UBTD2: variants seen among roughly 807,000 people sequenced by gnomAD.
UBTD2 encodes the protein ubiquitin domain-containing protein 2.
A neutral mutation model predicts 19.8 loss-of-function variants in UBTD2; 9 were observed. That is an observed-to-expected ratio of 0.46 (90% confidence interval 0.27 to 0.79). The LOEUF (loss-of-function observed/expected upper bound fraction) is 0.79, where lower values mean the gene tolerates loss of function less well. Among genes scored for constraint, UBTD2 ranks in the 30% least tolerant of loss-of-function variants. UBTD2 has a pLI of 0.14. For synonymous variants in UBTD2, 98 were observed against 103.9 expected (o/e 0.94, Z 0.35); for missense variants, 250 against 300.4 (o/e 0.83, Z 1.24).
intron 1 of UBTD2, among the ~76,000 whole-genome samples, chr5:172,252,056 A>G (rs1345517677): frequency 1.3e-5 from 2 of 152,234 alleles, no homozygotes; most frequent in African/African-American, 2.4e-5. Context: ...ACTGAATTAG[A>G]AGAAGTAACT....
chr5:172,264,426 A>G (rs1755331520), intron 1 of UBTD2, among the ~76,000 whole-genome samples: 2 of 151,940 alleles, frequency 1.3e-5, no homozygotes. Flanking sequence ...CTATAATCCC[A>G]GCTACCTGGG....
intron 1 of UBTD2, among the ~76,000 whole-genome samples, chr5:172,256,948 G>A (rs954646692): frequency 3.9e-5 from 6 of 152,262 alleles, no homozygotes; most frequent in Admixed American, 3.9e-4. Context: ...TTCTAAAAAT[G>A]ATTATAACTT....
chr5:172,251,081 G>A (rs948144590), intron 1 of UBTD2, among the ~76,000 whole-genome samples: 5 of 151,726 alleles, frequency 3.3e-5, no homozygotes, highest in African/African-American at 7.3e-5. Context: ...TCGGGAGGCC[G>A]AGGCGGGCGG....
At chr5:172,273,590 CAAAA>C (rs35687001) in intron 1 of UBTD2, among the ~76,000 whole-genome samples, 3 of 36,398 alleles carry the variant, frequency 8.2e-5, no homozygotes, top group African/African-American at 3.5e-4. Flanking sequence ...GACTCCGTCT[CAAAA>C]AAAAAAAAAA....
intron 1 of UBTD2, among the ~76,000 whole-genome samples, chr5:172,236,072 G>T (rs945015734): frequency 6.6e-6 from 1 of 152,168 alleles, no homozygotes; most frequent in Non-Finnish European, 1.5e-5. Context: ...AAAATAAAAT[G>T]ACTCCAGACC....
chr5:172,282,174 A>G lies in UBTD2; in HGVS notation c.70+1422T>C, dbSNP rs150979253. Among the ~76,000 whole-genome samples, 1,024 of 152,352 alleles carry G rather than the reference A, an allele frequency of 6.7e-3. 12 individuals are homozygous for G. Among genetic ancestry groups the G allele is most frequent in the African/African-American group, 0.022 (919 of 41,578 alleles). On this transcript the variant is annotated intron_variant, in intron 1 of 2. Transcript: ENST00000393792. ...TATTTCAGAATCATTAATGATCAAC[A>G]CAATTAGAGGAAGATTCATTTTGAT...
Position 172,222,879 on chromosome 5 carries a change from G to A in UBTD2, c.308-10652C>T, listed in dbSNP as rs114470022. Among the ~76,000 whole-genome samples, 488 of 152,264 alleles carry A rather than the reference G, an allele frequency of 3.2e-3. 2 individuals carry two copies. The highest frequency in any genetic ancestry group is 0.011 in the African/African-American group (465 of 41,556). On this transcript the variant is annotated intron_variant, in intron 2 of 2. Coordinates refer to ENST00000393792, the MANE Select transcript of UBTD2 (RefSeq NM_152277.3). ...GGTGGCTAAAACAGGTAAATTAAAC[G>A]TTCAACATTCACTGCCTTTTTTATG... is the stretch of plus-strand genomic sequence containing the variant.
chr5:172,211,788 A>C lies in UBTD2; in HGVS notation c.*42T>G. The C allele has an allele frequency of 6.5e-7, 1 of 1,530,268 alleles. No homozygotes were observed. The highest frequency in any genetic ancestry group is 8.8e-7 in the Non-Finnish European group (1 of 1,139,706). 94.8% of individuals were successfully genotyped at this position (1,530,268 alleles called of 1,614,324 possible). A position where few individuals can be genotyped will look rare whatever the true frequency, so the allele number is the denominator to read the frequency against. On this transcript the variant is annotated 3_prime_UTR_variant, in exon 3 of 3. Coordinates refer to ENST00000393792, the MANE Select transcript of UBTD2 (RefSeq NM_152277.3). ...TAGGAAATGACAACAAGAACCATAA[A>C]AAGGAGCAGAGGGATGTGGGAGCTG...
intron 1 of UBTD2, among the ~76,000 whole-genome samples, chr5:172,239,954 T>G (rs1343427438): frequency 6.6e-6 from 1 of 152,192 alleles, no homozygotes; most frequent in African/African-American, 2.4e-5. Context: ...CCCAGATCTC[T>G]CTTTCCATTA....
intron 1 of UBTD2, among the ~76,000 whole-genome samples, chr5:172,253,771 A>ACT (rs141231878): frequency 6.6e-6 from 1 of 151,816 alleles, no homozygotes; most frequent in Admixed American, 6.6e-5. Context: ...TGAATTCTTA[A>ACT]ATTTTTTTTA....
At chr5:172,277,701 A>T (rs1755634026) in intron 1 of UBTD2, among the ~76,000 whole-genome samples, 1 of 152,050 alleles carries the variant, frequency 6.6e-6, no homozygotes, top group Admixed American at 6.6e-5. Context: ...GCGAGACTCT[A>T]TTAAAAAACA....
upstream of UBTD2, chr5:172,284,033 G>A (rs533737810): frequency 6.7e-6 from 1 of 148,362 alleles, no homozygotes; most frequent in African/African-American, 2.5e-5. Flanking sequence ...CCGGCGCCTC[G>A]CGTCCGCCAG....
Position 172,267,766 on chromosome 5 carries a change from T to C in UBTD2, c.70+15830A>G, listed in dbSNP as rs1286089557. ...AAAGAAATCAAATGCTGAGGCTATG[T>C]TAGTGTTCAATGTCAGATTTAAAAA... On this transcript the variant is annotated intron_variant, in intron 1 of 2. Coordinates refer to ENST00000393792, the MANE Select transcript of UBTD2 (RefSeq NM_152277.3). 3.3e-5 allele frequency among the ~76,000 whole-genome samples: 5 copies of C among 152,172 alleles called. No homozygotes were observed. In the East Asian group the frequency reaches 9.6e-4, roughly 29 times the overall value.
chr5:172,212,201 G>A lies in UBTD2; in HGVS notation c.334C>T (p.Leu112=). 6.2e-7 allele frequency: 1 copy of A among 1,611,024 alleles called. No individual in the cohort carries two copies. Among genetic ancestry groups the A allele is most frequent in the Non-Finnish European group, 8.5e-7 (1 of 1,177,428 alleles). The change falls in exon 3 of 3, where the codon CTG becomes TTG. Residue 112 remains leucine, a synonymous_variant. Transcript: ENST00000393792. ...HGALTECYDE[L]GNRYQLPVYC... ...ACTGGAAGCTGATATCTGTTCCCCA[G>A]TTCATCGTAGCACTCTGTAAGTGCA...
chr5:172,257,122 T>C, intron 1 of UBTD2, among the ~76,000 whole-genome samples: 1 of 152,184 alleles, frequency 6.6e-6, no homozygotes. Flanking sequence ...AGTAGTTTTA[T>C]GATCCTCACC....
chr5:172,214,031 C>A (rs1217076199), intron 2 of UBTD2, among the ~76,000 whole-genome samples: 1 of 152,176 alleles, frequency 6.6e-6, no homozygotes, highest in South Asian at 2.1e-4. Flanking sequence ...GTGATCTGCT[C>A]GCCTTGGCCT....
chr5:172,240,921 A>G (rs1434020080), intron 1 of UBTD2, among the ~76,000 whole-genome samples: 1 of 152,176 alleles, frequency 6.6e-6, no homozygotes, highest in Admixed American at 6.6e-5. Flanking sequence ...CCCTGTCTCT[A>G]TCATAAATAC....
At chr5:172,258,275 C>T (rs1172054443) in intron 1 of UBTD2, among the ~76,000 whole-genome samples, 2 of 152,058 alleles carry the variant, frequency 1.3e-5, no homozygotes, top group Non-Finnish European at 2.9e-5. Context: ...CCACTGCTTA[C>T]TTTGTTGAAG....
intron 1 of UBTD2, among the ~76,000 whole-genome samples, chr5:172,258,198 G>C (rs1755198260): frequency 6.6e-6 from 1 of 152,206 alleles, no homozygotes; most frequent in South Asian, 2.1e-4. Context: ...AAGGGGTACA[G>C]TTTCAATATT....
Sources: gnomAD v4.1 joint callset for allele counts (sites outside exome capture counted in the v4.1 genomes callset) on GRCh38, gnomAD v4.1.1 for gene constraint, MANE v1.5 for transcripts, NCBI Gene and HGNC (gene_info 2026-07-23, HGNC 2026-07-21) for gene names.